The following DHX8 variants were observed in gnomAD, a reference collection of about 807,000 sequenced individuals.
DHX8 encodes the protein DEAH-box helicase 8.
DHX8 carries 67 observed loss-of-function variants against 140.7 expected under a neutral mutation model. The ratio of observed to expected loss-of-function variants is 0.48; its 90% CI spans 0.39 to 0.58. The LOEUF is 0.58. Among genes scored for constraint, DHX8 ranks in the 20% least tolerant of loss-of-function variants. DHX8 has a pLI of 0.00. For missense variants in DHX8, 887 were observed against 1,550.7 expected, an observed-to-expected ratio of 0.57 and a Z score of 7.19; for synonymous variants, 533 against 553.2, an observed-to-expected ratio of 0.96 and a Z score of 0.51.
chr17:43,528,319 T>C, downstream of DHX8: 1 of 526,172 alleles, frequency 1.9e-6, no homozygotes. Flanking sequence ...TCTGAGACTC[T>C]AGACTTGCCA....
rs138417858 is a variant in DHX8, at chr17:43,517,205, A to G, written c.2682A>G (p.Thr894=). 4 of 1,613,824 alleles carry G rather than the reference A, an allele frequency of 2.5e-6. No homozygotes were observed. The highest frequency in any genetic ancestry group is 2.7e-5 in the African/African-American group (2 of 74,914). ...AKQRAGRAGR[T]GPGKCYRLYT... ...AACGAGCTGGCAGAGCTGGGAGAAC[A>G]GGCCCAGGGAAGTGTTACAGGTTGT... The change falls in exon 18 of 23, where the codon ACA becomes ACG. Residue 894 remains threonine, a synonymous_variant. Transcript: ENST00000262415.
At chr17:43,494,402 C>G (rs914443468) in intron 8 of DHX8, among the ~76,000 whole-genome samples, 1 of 152,038 alleles carries the variant, frequency 6.6e-6, no homozygotes, top group Non-Finnish European at 1.5e-5. Context: ...AAAACAGGAC[C>G]AGTGTTGGTG....
downstream of DHX8, chr17:43,528,526 G>C: frequency 6.2e-7 from 1 of 1,606,378 alleles, no homozygotes; most frequent in Non-Finnish European, 8.5e-7. Flanking sequence ...GGGCTAGTAA[G>C]AGTAGCCACC....
At chr17:43,540,886 C>T (rs1039867204) in intron 3 of DHX8, among the ~76,000 whole-genome samples, 3 of 152,120 alleles carry the variant, frequency 2.0e-5, no homozygotes, top group African/African-American at 7.2e-5. Flanking sequence ...GTGCAGAACT[C>T]AGGGGTGGCT....
rs552837232 is a variant in DHX8 at position 43,489,128 on chromosome 17, C to T, written c.149-321C>T. ...CAAGTGATTCTCCTGCCTCAGTCTC[C>T]CAAGTAGCTGGGATTACAGGTGCCT... On this transcript the variant is annotated intron_variant, in intron 1 of 22. Coordinates refer to ENST00000262415, the MANE Select transcript of DHX8 (RefSeq NM_004941.3). Among the ~76,000 whole-genome samples, 29 of 152,210 alleles carry T rather than the reference C, an allele frequency of 1.9e-4. No homozygotes were observed. The East Asian group carries it at 5.6e-3, about 29-fold the overall frequency.
At chr17:43,510,203 C>G (rs1024850254) in intron 16 of DHX8, among the ~76,000 whole-genome samples, 4 of 152,018 alleles carry the variant, frequency 2.6e-5, no homozygotes, top group Admixed American at 2.6e-4. Context: ...CATGTGCCAC[C>G]ACACCCGGCT....
Position 43,524,386 on chromosome 17 carries a change from G to T in DHX8, c.*539G>T. 2.0e-6 allele frequency: 2 copies of T among 992,538 alleles called. No homozygotes were observed. Among genetic ancestry groups the T allele is most frequent in the Non-Finnish European group, 2.4e-6 (2 of 834,382 alleles). The allele number at this position is 992,538 out of a possible 1,614,324, so 61.5% of individuals were successfully genotyped here. ...GATATTGGCCTGGGCTCAGGGTGAG[G>T]GAGATTTAGTATCTGTGCTCTGGCA... On this transcript the variant is annotated 3_prime_UTR_variant, in exon 23 of 23. Transcript: ENST00000262415.
Position 43,521,557 on chromosome 17 carries a change from A to G in DHX8, c.3255A>G (p.Ile1085Met), listed in dbSNP as rs148700930. ...AQDIRKQMLG[I>M]MDRHKLDVVS... is the part of the protein sequence containing the mutation. ...ACATTCGCAAGCAGATGTTAGGCATAATGGACAGGTAAGCTGGAATCTGAT... is the reference window on the plus strand; with the variant it reads ...ACATTCGCAAGCAGATGTTAGGCATGATGGACAGGTAAGCTGGAATCTGAT... The change falls in exon 21 of 23, where the codon ATA becomes ATG. Residue 1085 changes from isoleucine (I) to methionine (M), a missense_variant. Ile to Met is a conservative substitution (Grantham distance 10). Around this residue, in one of 9 missense-constraint regions of DHX8, gnomAD observed 101 missense variants for 168.2 expected, o/e 0.60. Coordinates refer to ENST00000262415, the MANE Select transcript of DHX8 (RefSeq NM_004941.3). 1 of 1,611,342 alleles carries G rather than the reference A, an allele frequency of 6.2e-7. No individual in the cohort carries two copies. Among genetic ancestry groups the G allele is most frequent in the African/African-American group, 1.3e-5 (1 of 74,814 alleles).
At chr17:43,527,286 CCTCT>C (rs1970645931), downstream of DHX8, among the ~76,000 whole-genome samples, 1 of 152,166 alleles carries the variant, frequency 6.6e-6, no homozygotes, top group Non-Finnish European at 1.5e-5. Flanking sequence ...CCTGCTCTAG[CCTCT>C]CTCTGTACCA....
At position 43,507,955 on chromosome 17, in the gene DHX8, T is replaced by C. The variant is rs141625060; in HGVS notation, c.2256T>C (p.Pro752=). 7 of 1,614,118 alleles carry C rather than the reference T, an allele frequency of 4.3e-6. No homozygotes were observed. The highest frequency in any genetic ancestry group is 5.9e-6 in the Non-Finnish European group (7 of 1,179,968). ...YPVEILYTKE[P]ETDYLDASLI... ...TGGAAATACTGTACACAAAGGAACC[T>C]GAGACAGATTATCTGGATGCCAGCC... The change falls in exon 15 of 23, where the codon CCT becomes CCC. Residue 752 remains proline, a synonymous_variant. Transcript: ENST00000262415.
intron 13 of DHX8, 67 bp downstream of exon 13, chr17:43,507,264 A>G: frequency 6.7e-7 from 1 of 1,489,250 alleles, no homozygotes; most frequent in South Asian, 1.3e-5. Context: ...AATCTATCAA[A>G]TGGAAATATT....
chr17:43,517,533 TACCATAACA>T, intron 18 of DHX8: 1 of 553,392 alleles, frequency 1.8e-6, no homozygotes, highest in Non-Finnish European at 3.1e-6. Flanking sequence ...CATTTTTTCT[TACCATAACA>T]ACCAGCAGGA....
intron 1 of DHX8, among the ~76,000 whole-genome samples, chr17:43,486,918 A>G (rs1213254085): frequency 1.3e-5 from 2 of 151,916 alleles, no homozygotes; most frequent in Non-Finnish European, 2.9e-5. Flanking sequence ...GGCAGTGAGA[A>G]TGTGCTTCAG....
intron 2 of DHX8, chr17:43,532,995 C>T (rs192586313): frequency 8.5e-6 from 13 of 1,524,298 alleles, no homozygotes; most frequent in Admixed American, 2.1e-5. Flanking sequence ...AATCCTTCCT[C>T]GAGCCTGTTA....
chr17:43,541,353 C>T (rs1162988092), intron 3 of DHX8, among the ~76,000 whole-genome samples: 1 of 152,210 alleles, frequency 6.6e-6, no homozygotes, highest in East Asian at 1.9e-4. Flanking sequence ...GTTAACTTGG[C>T]TGAGTCTTGG....
At chr17:43,523,482 C>T (rs1970488666) in intron 22 of DHX8, 146 bp from the exon 23 acceptor site, 2 of 1,300,984 alleles carry the variant, frequency 1.5e-6, no homozygotes, top group Admixed American at 5.0e-5. Context: ...GTGTGGCTGT[C>T]ATAAACAGAC....
downstream of DHX8, chr17:43,530,053 A>T: frequency 6.2e-7 from 1 of 1,610,248 alleles, no homozygotes; most frequent in South Asian, 1.1e-5. Context: ...CCCCCATGGC[A>T]GCGCTCCCTC....
downstream of DHX8, chr17:43,528,777 T>C: frequency 6.3e-7 from 1 of 1,587,506 alleles, no homozygotes; most frequent in South Asian, 1.1e-5. Flanking sequence ...TCAGCCTGGC[T>C]AGCCGCCCAG....
intron 8 of DHX8, 122 bp downstream of exon 8, chr17:43,494,008 A>T: frequency 2.2e-6 from 2 of 913,100 alleles, no homozygotes; most frequent in South Asian, 1.6e-5. Context: ...CTGTTTTCAC[A>T]CTCCTGATAA....
Sources: gnomAD v4.1 joint callset for allele counts (sites outside exome capture counted in the v4.1 genomes callset) on GRCh38, gnomAD v4.1.1 for gene constraint, gnomAD v4.1.1 regional missense constraint, MANE v1.5 for transcripts, NCBI Gene and HGNC (gene_info 2026-07-23, HGNC 2026-07-21) for gene names.